The following FBXL7 variants were observed in gnomAD, a reference collection of about 807,000 sequenced individuals.
FBXL7 encodes the protein F-box and leucine rich repeat protein 7, also known as F-box/LRR-repeat protein 7.
FBXL7 carries 12 observed loss-of-function variants against 38.3 expected under a neutral mutation model. The ratio of observed to expected loss-of-function variants is 0.31; its 90% CI spans 0.20 to 0.51. The LOEUF is 0.51. Ranked by LOEUF, FBXL7 falls within the 20% of genes least tolerant of loss-of-function variation. The pLI is 0.98. For missense variants in FBXL7, 567 were observed against 676.4 expected (o/e 0.84, Z 1.79); for synonymous variants, 297 against 300.9 (o/e 0.99, Z 0.13).
chr5:15,929,631 A>C (rs1247000397), intron 3 of FBXL7, among the ~76,000 whole-genome samples: 1 of 146,116 alleles, frequency 6.8e-6, no homozygotes, highest in Non-Finnish European at 1.5e-5. Context: ...CTCTGAAAAA[A>C]AAAAAAAAAA....
At chr5:15,803,873 G>A (rs1737636274) in intron 2 of FBXL7, among the ~76,000 whole-genome samples, 1 of 152,094 alleles carries the variant, frequency 6.6e-6, no homozygotes, top group Admixed American at 6.5e-5. Context: ...ACATACCTGA[G>A]AACCACCATG....
At chr5:15,577,191 G>A (rs1025810208) in intron 1 of FBXL7, among the ~76,000 whole-genome samples, 3 of 152,136 alleles carry the variant, frequency 2.0e-5, no homozygotes, top group East Asian at 1.9e-4. Flanking sequence ...TTTACGGTCC[G>A]GTGACTAGCT....
chr5:15,588,240 T>A (rs1391577649), intron 1 of FBXL7, among the ~76,000 whole-genome samples: 1 of 152,236 alleles, frequency 6.6e-6, no homozygotes, highest in Non-Finnish European at 1.5e-5. Context: ...GTTTTTAACA[T>A]GAATGCTGTT....
Position 15,603,718 on chromosome 5 carries a change from C to T in FBXL7, c.38-12265C>T, listed in dbSNP as rs183746763. Reference sequence around the variant, plus strand: ...TAAAGAAAGTACCAGTTAGGACATTCAGTGTAAAGAAAGTACTCGTTAGAA... The same window carrying T: ...TAAAGAAAGTACCAGTTAGGACATTTAGTGTAAAGAAAGTACTCGTTAGAA... On this transcript the variant is annotated intron_variant, in intron 1 of 3. Transcript: ENST00000504595. Among the ~76,000 whole-genome samples the T allele has an allele frequency of 4.0e-3, 615 of 152,312 alleles. 3 individuals are homozygous for T. The highest frequency in any genetic ancestry group is 7.5e-3 in the Admixed American group (114 of 15,286).
At chr5:15,904,642 T>C (rs1272320139) in intron 2 of FBXL7, among the ~76,000 whole-genome samples, 1 of 152,168 alleles carries the variant, frequency 6.6e-6, no homozygotes, top group Non-Finnish European at 1.5e-5. Flanking sequence ...ATCTTGCACA[T>C]TAATCTTTGT....
At chr5:15,620,230 C>CTT (rs796293132) in intron 2 of FBXL7, among the ~76,000 whole-genome samples, 4,514 of 134,108 alleles carry the variant, frequency 0.034, 117 homozygotes, top group African/African-American at 0.053. Context: ...TTCTTTTTTT[C>CTT]TTTTTTTTTT....
In FBXL7 at chr5:15,938,263, T is replaced by C. The variant is rs1742255904; in HGVS notation, c.*1077T>C. 6.6e-6 allele frequency: 1 copy of C among 152,154 alleles called. No individual in the cohort carries two copies. Among genetic ancestry groups the C allele is most frequent in the South Asian group, 2.1e-4 (1 of 4,826 alleles). 9.4% of individuals were successfully genotyped at this position (152,154 alleles called of 1,614,324 possible). A position where few individuals can be genotyped will look rare whatever the true frequency, so the allele number is the denominator to read the frequency against. ...CCCCCCATCAGTTGCTTTTACTCAG[T>C]GTTTTCAAATAGGAGTAAAGGCCCT... On this transcript the variant is annotated 3_prime_UTR_variant, in exon 4 of 4. Transcript: ENST00000504595.
intron 2 of FBXL7, among the ~76,000 whole-genome samples, chr5:15,659,949 G>A (rs11743317): frequency 0.27 from 41,577 of 152,126 alleles, 6,941 homozygotes; most frequent in South Asian, 0.48. Flanking sequence ...TTTCTTTATC[G>A]TTTACATTTG....
At chr5:15,864,942 C>T (rs1011905502) in intron 2 of FBXL7, among the ~76,000 whole-genome samples, 1 of 152,150 alleles carries the variant, frequency 6.6e-6, no homozygotes, top group African/African-American at 2.4e-5. Context: ...CTGGTATTGT[C>T]TTCCTTTAGG....
intron 1 of FBXL7, among the ~76,000 whole-genome samples, chr5:15,594,664 G>C (rs1422413240): frequency 6.6e-6 from 1 of 152,208 alleles, no homozygotes; most frequent in Non-Finnish European, 1.5e-5. Context: ...CCAAAATAGA[G>C]ACTCACAGAC....
chr5:15,696,359 G>T (rs924586444), intron 2 of FBXL7, among the ~76,000 whole-genome samples: 7 of 152,168 alleles, frequency 4.6e-5, no homozygotes, highest in Non-Finnish European at 8.8e-5. Context: ...TGGCTTCAGG[G>T]AAAGGGAGAG....
intron 2 of FBXL7, among the ~76,000 whole-genome samples, chr5:15,652,130 C>A (rs757658903): frequency 6.6e-6 from 1 of 152,170 alleles, no homozygotes; most frequent in African/African-American, 2.4e-5. Context: ...CTGGATTAGG[C>A]TTTAGCTTAA....
At chr5:15,711,669 G>A (rs1309484509) in intron 2 of FBXL7, among the ~76,000 whole-genome samples, 1 of 152,048 alleles carries the variant, frequency 6.6e-6, no homozygotes, top group Non-Finnish European at 1.5e-5. Flanking sequence ...CCTACAATGG[G>A]GGTTTGGGAC....
intron 2 of FBXL7, among the ~76,000 whole-genome samples, chr5:15,693,392 G>T (rs375922425): frequency 1.3e-5 from 2 of 152,086 alleles, no homozygotes; most frequent in African/African-American, 4.8e-5. Context: ...GGAAATATTG[G>T]ACAGGATCCA....
At chr5:15,580,264 C>G (rs1739093523) in intron 1 of FBXL7, among the ~76,000 whole-genome samples, 1 of 152,168 alleles carries the variant, frequency 6.6e-6, no homozygotes, top group South Asian at 2.1e-4. Flanking sequence ...GCACCCTGAT[C>G]TTTAACTTCC....
intron 2 of FBXL7, among the ~76,000 whole-genome samples, chr5:15,789,812 T>C (rs1737227406): frequency 6.6e-6 from 1 of 152,194 alleles, no homozygotes; most frequent in Non-Finnish European, 1.5e-5. Flanking sequence ...AGGGGTGCTG[T>C]AGGAAGATCA....
chr5:15,649,702 T>C (rs1422877578), intron 2 of FBXL7, among the ~76,000 whole-genome samples: 1 of 152,098 alleles, frequency 6.6e-6, no homozygotes, highest in Non-Finnish European at 1.5e-5. Context: ...CTTTTCTTTT[T>C]TTTTTTTGTA....
At chr5:15,758,596 A>G (rs1033249436) in intron 2 of FBXL7, among the ~76,000 whole-genome samples, 1 of 152,176 alleles carries the variant, frequency 6.6e-6, no homozygotes, top group Non-Finnish European at 1.5e-5. Flanking sequence ...AACAATTAAC[A>G]TGTTAAAGAA....
intron 1 of FBXL7, among the ~76,000 whole-genome samples, chr5:15,574,010 GTTC>G (rs1738877346): frequency 6.6e-6 from 1 of 152,072 alleles, no homozygotes; most frequent in African/African-American, 2.4e-5. Context: ...AAACCCCTAA[GTTC>G]TTCTTACTTA....
Sources: gnomAD v4.1 joint callset for allele counts (sites outside exome capture counted in the v4.1 genomes callset) on GRCh38, gnomAD v4.1.1 for gene constraint, MANE v1.5 for transcripts, NCBI Gene and HGNC (gene_info 2026-07-23, HGNC 2026-07-21) for gene names.